FAM168A: variants seen among roughly 807,000 people sequenced by gnomAD.
FAM168A encodes the protein protein FAM168A.
FAM168A carries 3 observed loss-of-function variants against 28.5 expected under a neutral mutation model. That is an observed-to-expected ratio of 0.11 (90% CI 0.05 to 0.27). The LOEUF is 0.27. FAM168A is among the 10% of genes least tolerant of loss of function. FAM168A has a pLI of 1.00. For synonymous variants in FAM168A, 122 were observed against 124.2 expected (o/e 0.98, Z 0.12); for missense variants, 222 against 311.5 (o/e 0.71, Z 2.16).
intron 1 of FAM168A, among the ~76,000 whole-genome samples, chr11:73,544,964 ATATATAT>A (rs1943718865): frequency 1.1e-5 from 1 of 90,054 alleles, no homozygotes; most frequent in African/African-American, 6.8e-5. Flanking sequence ...ATTATATATA[ATATATAT>A]TATATAATAT....
Position 73,578,721 on chromosome 11 carries a change from C to T in FAM168A, c.-19+19202G>A, listed in dbSNP as rs573711400. Among the ~76,000 whole-genome samples, 17 of 152,290 alleles carry T rather than the reference C, an allele frequency of 1.1e-4. No individual in the cohort carries two copies. The East Asian group carries it at 3.3e-3, about 29-fold the overall frequency. Reference sequence around the variant, plus strand: ...CAGCATTTCAGAATACGTTTCCATACAAATGAAATGTTAATTACAAAATGT... The same window carrying T: ...CAGCATTTCAGAATACGTTTCCATATAAATGAAATGTTAATTACAAAATGT... On this transcript the variant is annotated intron_variant, in intron 1 of 7. Transcript: ENST00000356467.
intron 1 of FAM168A, among the ~76,000 whole-genome samples, chr11:73,597,557 C>T (rs1944451150): frequency 6.6e-6 from 1 of 151,968 alleles, no homozygotes; most frequent in Non-Finnish European, 1.5e-5. Flanking sequence ...CAAATCACCA[C>T]CCTCATTCAG....
intron 3 of FAM168A, among the ~76,000 whole-genome samples, chr11:73,423,501 C>A (rs982308768): frequency 6.6e-6 from 1 of 152,192 alleles, no homozygotes; most frequent in African/African-American, 2.4e-5. Context: ...GCCCATACTA[C>A]AGCCACAGAA....
intron 1 of FAM168A, among the ~76,000 whole-genome samples, chr11:73,532,629 C>T (rs941621364): frequency 1.2e-4 from 18 of 152,220 alleles, no homozygotes; most frequent in African/African-American, 4.3e-4. Context: ...TCCTCCTCTA[C>T]ATAAATTGGA....
Position 73,503,354 on chromosome 11 carries a change from A to C in FAM168A, c.-18-34862T>G, listed in dbSNP as rs149394821. ...AAATCACAAGCATTCCTTTACACCAACAATAGGCAAGCAGAAAGCCAAATC... is the reference window on the plus strand; with the variant it reads ...AAATCACAAGCATTCCTTTACACCACCAATAGGCAAGCAGAAAGCCAAATC... On this transcript the variant is annotated intron_variant, in intron 1 of 7. Coordinates refer to ENST00000356467, the MANE Select transcript of FAM168A (RefSeq NM_015159.3). 6.0e-4 allele frequency among the ~76,000 whole-genome samples: 91 copies of C among 152,290 alleles called. 1 individual carries two copies. Among genetic ancestry groups the C allele is most frequent in the African/African-American group, 2.1e-3 (88 of 41,574 alleles).
At chr11:73,414,616 G>A (rs144314159) in intron 4 of FAM168A, among the ~76,000 whole-genome samples, 1 of 152,280 alleles carries the variant, frequency 6.6e-6, no homozygotes, top group Non-Finnish European at 1.5e-5. Flanking sequence ...AACAGTAATG[G>A]TACCTACTTC....
At chr11:73,572,178 C>T (rs1186425327) in intron 1 of FAM168A, among the ~76,000 whole-genome samples, 2 of 151,158 alleles carry the variant, frequency 1.3e-5, no homozygotes, top group Non-Finnish European at 3.0e-5. Context: ...AGCCCCTGCC[C>T]GGCCAGCCGC....
chr11:73,536,321 A>G (rs1420922387), intron 1 of FAM168A, among the ~76,000 whole-genome samples: 1 of 152,160 alleles, frequency 6.6e-6, no homozygotes, highest in African/African-American at 2.4e-5. Flanking sequence ...AAGCATAAAC[A>G]TGCTTGTCTT....
At chr11:73,424,704 C>G (rs1245945920) in intron 3 of FAM168A, among the ~76,000 whole-genome samples, 1 of 152,210 alleles carries the variant, frequency 6.6e-6, no homozygotes, top group East Asian at 1.9e-4. Context: ...ACAAAGCCAA[C>G]TGAGGAGCTG....
intron 1 of FAM168A, among the ~76,000 whole-genome samples, chr11:73,511,886 T>C (rs1855233721): frequency 1.3e-5 from 2 of 152,216 alleles, no homozygotes; most frequent in African/African-American, 4.8e-5. Flanking sequence ...TCCTTCTTGC[T>C]CCCATGTCAC....
At chr11:73,571,817 G>A (rs546533323) in intron 1 of FAM168A, among the ~76,000 whole-genome samples, 6 of 150,932 alleles carry the variant, frequency 4.0e-5, no homozygotes, top group East Asian at 2.0e-4. Context: ...CTTCCCGGCC[G>A]CCATCCCATC....
intron 2 of FAM168A, among the ~76,000 whole-genome samples, chr11:73,457,594 G>C (rs755301213): frequency 6.6e-6 from 1 of 151,172 alleles, no homozygotes; most frequent in Non-Finnish European, 1.5e-5. Flanking sequence ...GGTTAAAATT[G>C]GCCAGGTGCA....
intron 1 of FAM168A, among the ~76,000 whole-genome samples, chr11:73,491,614 G>A (rs535513359): frequency 6.6e-6 from 1 of 152,192 alleles, no homozygotes. Context: ...TTGAACTCAA[G>A]TTCCCTATTC....
At chr11:73,574,645 C>T (rs372416520) in intron 1 of FAM168A, among the ~76,000 whole-genome samples, 2 of 151,894 alleles carry the variant, frequency 1.3e-5, no homozygotes, top group East Asian at 3.8e-4. Context: ...TCACTGCAAC[C>T]TCTGCCTTCC....
chr11:73,471,186 C>T (rs897801714), intron 1 of FAM168A, among the ~76,000 whole-genome samples: 2 of 152,124 alleles, frequency 1.3e-5, no homozygotes, highest in African/African-American at 2.4e-5. Context: ...TAAATAGTTT[C>T]AGGGACAGGC....
In FAM168A at chr11:73,402,440, T is replaced by G. The variant is rs1224858855; in HGVS notation, c.*4323A>C. The G allele has an allele frequency of 6.6e-6, 1 of 152,194 alleles. No individual in the cohort carries two copies. The highest frequency in any genetic ancestry group is 1.5e-5 in the Non-Finnish European group (1 of 68,048). 9.4% of individuals were successfully genotyped at this position (152,194 alleles called of 1,614,324 possible). A position where few individuals can be genotyped will look rare whatever the true frequency, so the allele number is the denominator to read the frequency against. On this transcript the variant is annotated 3_prime_UTR_variant, in exon 8 of 8. Transcript: ENST00000356467. ...CCTTTTATACTTCATGTGATTCCTT[T>G]CTGAAGGCCATCAGAACAAAGCAAG...
In FAM168A at chr11:73,478,300, C is replaced by T. The variant is rs146698362; in HGVS notation, c.-18-9808G>A. ...AATATCAATAAAAAGGAACAAACTA[C>T]TGATACATGTCACAACATGAATTAA... is the stretch of plus-strand genomic sequence containing the variant. On this transcript the variant is annotated intron_variant, in intron 1 of 7. Coordinates refer to ENST00000356467, the MANE Select transcript of FAM168A (RefSeq NM_015159.3). 8.5e-4 allele frequency among the ~76,000 whole-genome samples: 129 copies of T among 152,236 alleles called. 1 individual carries two copies. Among genetic ancestry groups the T allele is most frequent in the Non-Finnish European group, 1.7e-3 (113 of 67,996 alleles).
chr11:73,407,827 T>G (rs1368768822), intron 6 of FAM168A, among the ~76,000 whole-genome samples, 184 bp from the exon 7 acceptor site: 2 of 152,196 alleles, frequency 1.3e-5, no homozygotes, highest in Non-Finnish European at 2.9e-5. Flanking sequence ...TTAGGGGAAT[T>G]TTTTCTGATG....
intron 1 of FAM168A, among the ~76,000 whole-genome samples, chr11:73,478,459 G>A (rs1317551461): frequency 6.6e-6 from 1 of 152,132 alleles, no homozygotes; most frequent in Non-Finnish European, 1.5e-5. Context: ...CTGGGACTCA[G>A]AGCAGGAATG....
Sources: gnomAD v4.1 joint callset for allele counts (sites outside exome capture counted in the v4.1 genomes callset) on GRCh38, gnomAD v4.1.1 for gene constraint, MANE v1.5 for transcripts, NCBI Gene and HGNC (gene_info 2026-07-23, HGNC 2026-07-21) for gene names.